The following ATP6V0D2 variants were observed in gnomAD, a reference collection of about 807,000 sequenced individuals.
ATP6V0D2 encodes the protein V-type proton ATPase subunit d 2.
Under a neutral mutation model 40.0 loss-of-function variants are expected in ATP6V0D2, and 40 were observed. That is an observed-to-expected ratio of 1.00 (90% CI 0.78 to 1.30). ATP6V0D2 has a LOEUF of 1.30. ATP6V0D2 is among the 50% of genes most tolerant of loss of function. The pLI, the probability that ATP6V0D2 is intolerant of heterozygous loss-of-function variation, is 0.00. For missense variants in ATP6V0D2, 470 were observed against 423.1 expected (o/e 1.11, Z -0.97); for synonymous variants, 179 against 156.3 (o/e 1.15, Z -1.08).
intron 1 of ATP6V0D2, among the ~76,000 whole-genome samples, chr8:86,102,442 A>T (rs1163990444): frequency 2.6e-5 from 4 of 152,218 alleles, no homozygotes; most frequent in Admixed American, 2.6e-4. Context: ...TGCCATTCCA[A>T]TACTATATGT....
chr8:86,149,064 A>AC (rs1554590223), intron 5 of ATP6V0D2, among the ~76,000 whole-genome samples: 1 of 149,570 alleles, frequency 6.7e-6, no homozygotes, highest in Admixed American at 6.7e-5. Flanking sequence ...AGAAAAAAAA[A>AC]AAAAAAAAAA....
intron 1 of ATP6V0D2, among the ~76,000 whole-genome samples, chr8:86,101,726 G>A (rs1390716007): frequency 6.6e-6 from 1 of 152,084 alleles, no homozygotes; most frequent in Non-Finnish European, 1.5e-5. Context: ...AATAAAGCTT[G>A]TGTTTAGAAA....
Position 86,153,144 on chromosome 8 carries a change from G to T in ATP6V0D2, c.*167G>T. 2.1e-6 allele frequency: 1 copy of T among 487,116 alleles called. No homozygotes were observed. Among genetic ancestry groups the T allele is most frequent in the East Asian group, 3.6e-5 (1 of 27,930 alleles). The allele number at this position is 487,116 out of a possible 1,614,324, so 30.2% of individuals were successfully genotyped here. A position where few individuals can be genotyped will look rare whatever the true frequency, so the allele number is the denominator to read the frequency against. On this transcript the variant is annotated 3_prime_UTR_variant, in exon 8 of 8. Coordinates refer to ENST00000285393, the MANE Select transcript of ATP6V0D2 (RefSeq NM_152565.1). Reference sequence around the variant, plus strand: ...CACAGTAAACCAGCCCTGAAACAAAGCATTTCCTTGTTTTCAGTGGTATTA... The same window carrying T: ...CACAGTAAACCAGCCCTGAAACAAATCATTTCCTTGTTTTCAGTGGTATTA...
At chr8:86,117,460 C>G (rs1166271500) in intron 2 of ATP6V0D2, among the ~76,000 whole-genome samples, 1 of 152,126 alleles carries the variant, frequency 6.6e-6, no homozygotes, top group Non-Finnish European at 1.5e-5. Flanking sequence ...TGTAAGTAAG[C>G]AAGTAGAAGA....
Position 86,139,477 on chromosome 8 carries a change from A to T in ATP6V0D2, c.323A>T (p.Asn108Ile). ...ACCAGGTGCAGTTATATGATAGACA[A>T]TGTGATTCTGCTGATGAATGGTGCA... is the stretch of plus-strand genomic sequence containing the variant. ...TYMTCSYMIDNVILLMNGALQ... is the reference protein window; with the variant it reads ...TYMTCSYMIDIVILLMNGALQ... Residue 108 changes from asparagine (N) to isoleucine (I), a missense_variant, in exon 3 of 8, where the codon AAT becomes ATT. Asn to Ile is a moderately radical substitution (Grantham distance 149). Coordinates refer to ENST00000285393, the MANE Select transcript of ATP6V0D2 (RefSeq NM_152565.1). 6.2e-7 allele frequency: 1 copy of T among 1,611,470 alleles called. No individual in the cohort carries two copies. Among genetic ancestry groups the T allele is most frequent in the Non-Finnish European group, 8.5e-7 (1 of 1,179,030 alleles).
At chr8:86,122,813 A>G (rs1214418910) in intron 2 of ATP6V0D2, among the ~76,000 whole-genome samples, 1 of 152,196 alleles carries the variant, frequency 6.6e-6, no homozygotes, top group Non-Finnish European at 1.5e-5. Context: ...TGAGGCATGA[A>G]AGGATTTTGT....
At chr8:86,143,190 T>C (rs760903417) in intron 5 of ATP6V0D2, among the ~76,000 whole-genome samples, 1 of 152,158 alleles carries the variant, frequency 6.6e-6, no homozygotes, top group Non-Finnish European at 1.5e-5. Flanking sequence ...AATTAGAAAA[T>C]AATAATGTTT....
chr8:86,142,909 G>A lies in ATP6V0D2; in HGVS notation c.594G>A (p.Lys198=), dbSNP rs774361876. The stretch of plus-strand genomic sequence containing the variant: ...TTGAGGCATTCTATAAATTCTGTAA[G>A]AATCATGGTGATGTCACAGCAGAAG... ...SYLEAFYKFC[K]NHGDVTAEVM... The change falls in exon 5 of 8, where the codon AAG becomes AAA. Residue 198 remains lysine, a synonymous_variant. Coordinates refer to ENST00000285393, the MANE Select transcript of ATP6V0D2 (RefSeq NM_152565.1). 6.2e-7 allele frequency: 1 copy of A among 1,610,156 alleles called. No individual in the cohort carries two copies. The highest frequency in any genetic ancestry group is 1.1e-5 in the South Asian group (1 of 90,650).
In ATP6V0D2 at chr8:86,151,449, A is replaced by G. The variant is rs749029265; in HGVS notation, c.817-17A>G. Reference sequence around the variant, plus strand: ...AGAAATGAAAATGTCTTTAAAATTAATGTCTTTGTTTTTAAGGTATACAAA... The same window carrying G: ...AGAAATGAAAATGTCTTTAAAATTAGTGTCTTTGTTTTTAAGGTATACAAA... On this transcript the variant is annotated splice_polypyrimidine_tract_variant and intron_variant, in intron 6 of 7. Transcript: ENST00000285393. The G allele has an allele frequency of 6.5e-7, 1 of 1,532,388 alleles. No homozygotes were observed. Among genetic ancestry groups the G allele is most frequent in the Admixed American group, 1.8e-5 (1 of 54,182 alleles). The allele number at this position is 1,532,388 out of a possible 1,614,324, so 94.9% of individuals were successfully genotyped here.
chr8:86,141,833 C>A (rs1256269398), intron 4 of ATP6V0D2, among the ~76,000 whole-genome samples: 1 of 152,088 alleles, frequency 6.6e-6, no homozygotes, highest in Non-Finnish European at 1.5e-5. Context: ...ATGGGGTGAA[C>A]AATATCAATC....
chr8:86,108,100 A>C (rs571365454), intron 1 of ATP6V0D2, among the ~76,000 whole-genome samples: 1 of 152,152 alleles, frequency 6.6e-6, no homozygotes. Context: ...TGGATTCTCT[A>C]TGCTGGCTCT....
At chr8:86,104,625 G>A (rs1186477899) in intron 1 of ATP6V0D2, among the ~76,000 whole-genome samples, 3 of 152,094 alleles carry the variant, frequency 2.0e-5, no homozygotes, top group Admixed American at 2.0e-4. Flanking sequence ...AGGAACGAGT[G>A]GCAGGGGGTG....
chr8:86,104,799 T>C (rs1818448186), intron 1 of ATP6V0D2, among the ~76,000 whole-genome samples: 1 of 151,064 alleles, frequency 6.6e-6, no homozygotes, highest in Non-Finnish European at 1.5e-5. Flanking sequence ...ATAGCACTTT[T>C]TCTGCCTTAT....
chr8:86,137,140 C>T (rs1285341264), intron 2 of ATP6V0D2, among the ~76,000 whole-genome samples: 1 of 152,164 alleles, frequency 6.6e-6, no homozygotes, highest in Non-Finnish European at 1.5e-5. Flanking sequence ...ATTTCAGACA[C>T]ACAATGGCCA....
At chr8:86,128,943 C>T (rs1323905359) in intron 2 of ATP6V0D2, among the ~76,000 whole-genome samples, 1 of 152,068 alleles carries the variant, frequency 6.6e-6, no homozygotes, top group Non-Finnish European at 1.5e-5. Flanking sequence ...AAACTAAATC[C>T]AAAACTACAG....
chr8:86,107,861 T>C (rs1818486922), intron 1 of ATP6V0D2, among the ~76,000 whole-genome samples: 3 of 152,104 alleles, frequency 2.0e-5, no homozygotes, highest in Admixed American at 1.3e-4. Flanking sequence ...AAAGAGGACT[T>C]TGAAGTTTCA....
chr8:86,135,760 CTGAA>C, intron 2 of ATP6V0D2, among the ~76,000 whole-genome samples: 1 of 152,254 alleles, frequency 6.6e-6, no homozygotes, highest in Non-Finnish European at 1.5e-5. Flanking sequence ...ATTAACCTAA[CTGAA>C]TGGGTGGCTC....
chr8:86,139,685 C>A, intron 3 of ATP6V0D2, 50 bp downstream of exon 3: 1 of 1,487,176 alleles, frequency 6.7e-7, no homozygotes, highest in Non-Finnish European at 9.0e-7. Flanking sequence ...TTATCACAGT[C>A]ATTAGAAAAT....
intron 6 of ATP6V0D2, among the ~76,000 whole-genome samples, chr8:86,150,934 CT>C (rs1221019464): frequency 6.6e-6 from 1 of 152,222 alleles, no homozygotes; most frequent in East Asian, 1.9e-4. Context: ...TGACACTCAT[CT>C]TTTCCTCCAG....
Sources: allele counts gnomAD v4.1 joint callset (sites outside exome capture counted in the v4.1 genomes callset), GRCh38; gene constraint gnomAD v4.1.1; transcripts MANE v1.5; gene names NCBI Gene and HGNC (gene_info 2026-07-23, HGNC 2026-07-21).